Variants in CAMK4 observed in about 807,000 individuals in gnomAD.
The protein encoded by CAMK4 is calcium/calmodulin dependent protein kinase IV.
In CAMK4, 22 loss-of-function variants were observed where a neutral mutation model predicts 44.9. The observed-to-expected ratio is 0.49, with a 90% CI of 0.35 to 0.70. The LOEUF (loss-of-function observed/expected upper bound fraction) is 0.70. Ranked by LOEUF, CAMK4 falls within the 30% of genes least tolerant of loss-of-function variation. CAMK4 has a pLI of 0.01. For synonymous variants in CAMK4, 218 were observed against 215.4 expected, an observed-to-expected ratio of 1.01 and a Z score of -0.11; for missense variants, 498 against 586.8, an observed-to-expected ratio of 0.85 and a Z score of 1.56.
intron 7 of CAMK4, among the ~76,000 whole-genome samples, chr5:111,469,173 ATATAT>A (rs1452276818): frequency 1.6e-3 from 35 of 21,794 alleles, no homozygotes; most frequent in African/African-American, 6.2e-3. Context: ...AAAAAAAAAA[ATATAT>A]ATATATATAT....
intron 7 of CAMK4, among the ~76,000 whole-genome samples, chr5:111,470,005 C>T (rs907188778): frequency 6.6e-6 from 1 of 152,214 alleles, no homozygotes; most frequent in Admixed American, 6.5e-5. Flanking sequence ...ATAAGATTCA[C>T]TGATGTGAAG....
chr5:111,373,173 A>G (rs1286126993), intron 2 of CAMK4, among the ~76,000 whole-genome samples: 3 of 152,124 alleles, frequency 2.0e-5, no homozygotes, highest in African/African-American at 7.2e-5. Flanking sequence ...ATGCCTCTTG[A>G]TTGCCTGTAT....
chr5:111,406,398 A>G (rs541978530), intron 5 of CAMK4, among the ~76,000 whole-genome samples: 2 of 151,764 alleles, frequency 1.3e-5, no homozygotes, highest in South Asian at 2.1e-4. Flanking sequence ...TAATTTTTGT[A>G]TTTTTTGTAG....
At chr5:111,475,226 G>C (rs1364728169) in intron 8 of CAMK4, among the ~76,000 whole-genome samples, 1 of 152,062 alleles carries the variant, frequency 6.6e-6, no homozygotes, top group Non-Finnish European at 1.5e-5. Context: ...GAGAGATAAA[G>C]ATCCTGTTTT....
chr5:111,418,855 T>G (rs1038681235), intron 5 of CAMK4, among the ~76,000 whole-genome samples: 17 of 152,296 alleles, frequency 1.1e-4, no homozygotes, highest in East Asian at 3.9e-4. Context: ...TTGGACATTT[T>G]GGTTGGTTCC....
chr5:111,355,332 C>A (rs114956621), intron 2 of CAMK4, among the ~76,000 whole-genome samples: 2,435 of 152,086 alleles, frequency 0.016, 70 homozygotes, highest in African/African-American at 0.056. Context: ...GCAAAGGTGA[C>A]AGGGAGGAAT....
chr5:111,309,572 C>A (rs1295137604), intron 1 of CAMK4, among the ~76,000 whole-genome samples: 1 of 152,122 alleles, frequency 6.6e-6, no homozygotes, highest in African/African-American at 2.4e-5. Flanking sequence ...GAGCCATTAA[C>A]AATCCATTTT....
At chr5:111,351,182 C>A (rs1373189003) in intron 2 of CAMK4, among the ~76,000 whole-genome samples, 1 of 152,056 alleles carries the variant, frequency 6.6e-6, no homozygotes, top group African/African-American at 2.4e-5. Flanking sequence ...GTAACTTTTA[C>A]ATCTCATGTC....
intron 1 of CAMK4, among the ~76,000 whole-genome samples, chr5:111,312,160 A>G (rs1748233822): frequency 6.6e-6 from 1 of 152,156 alleles, no homozygotes; most frequent in Admixed American, 6.6e-5. Flanking sequence ...CAACCTGGCC[A>G]AATGCTTTCT....
At chr5:111,229,351 A>T (rs1295011625) in intron 1 of CAMK4, among the ~76,000 whole-genome samples, 2 of 152,144 alleles carry the variant, frequency 1.3e-5, no homozygotes, top group Non-Finnish European at 1.5e-5. Flanking sequence ...AAAGAAACCA[A>T]GCTCTCTGGT....
intron 7 of CAMK4, among the ~76,000 whole-genome samples, chr5:111,456,746 A>G (rs563738278): frequency 6.6e-6 from 1 of 152,260 alleles, no homozygotes; most frequent in Non-Finnish European, 1.5e-5. Flanking sequence ...AAATTTTGGT[A>G]TTTTTACTAG....
chr5:111,289,297 G>C (rs1303818560), intron 1 of CAMK4, among the ~76,000 whole-genome samples: 1 of 152,194 alleles, frequency 6.6e-6, no homozygotes, highest in African/African-American at 2.4e-5. Flanking sequence ...AGTGAGCAGA[G>C]ATTGCGCCAT....
chr5:111,295,085 G>A (rs1747429595), intron 1 of CAMK4, among the ~76,000 whole-genome samples: 1 of 152,168 alleles, frequency 6.6e-6, no homozygotes, highest in Non-Finnish European at 1.5e-5. Context: ...ATTGCCAGCT[G>A]CTGTGGTTTG....
chr5:111,390,770 A>G (rs1751767427), intron 4 of CAMK4, among the ~76,000 whole-genome samples: 2 of 152,264 alleles, frequency 1.3e-5, no homozygotes, highest in African/African-American at 2.4e-5. Flanking sequence ...AAAATCAAAA[A>G]CTCAATGACA....
At chr5:111,370,890 G>A (rs1307100398) in intron 2 of CAMK4, among the ~76,000 whole-genome samples, 1 of 149,608 alleles carries the variant, frequency 6.7e-6, no homozygotes, top group Non-Finnish European at 1.5e-5. Flanking sequence ...ACTCCAGCCT[G>A]GTGACAAAGC....
intron 7 of CAMK4, among the ~76,000 whole-genome samples, chr5:111,469,159 AAAAAAAAAAAAAAATATATATATAT>A (rs1468868062): frequency 0.011 from 921 of 85,624 alleles, 7 homozygotes; most frequent in African/African-American, 0.032. Context: ...AAAAAAAAAA[AAAAAAAAAAAAAAATATATATATAT>A]ATATATATAT....
At chr5:111,271,318 T>G (rs1377711621) in intron 1 of CAMK4, among the ~76,000 whole-genome samples, 1 of 152,200 alleles carries the variant, frequency 6.6e-6, no homozygotes, top group Non-Finnish European at 1.5e-5. Flanking sequence ...GGGTTCTGGT[T>G]TCTTCAACAT....
At position 111,490,387 on chromosome 5, in the gene CAMK4, T is replaced by A. The variant is rs1462198610; in HGVS notation, c.*5921T>A. 2 of 152,266 alleles carry A rather than the reference T, an allele frequency of 1.3e-5. No homozygotes were observed. Among genetic ancestry groups the A allele is most frequent in the African/African-American group, 4.8e-5 (2 of 41,426 alleles). The allele number at this position is 152,266 out of a possible 1,614,324, so 9.4% of individuals were successfully genotyped here. On this transcript the variant is annotated 3_prime_UTR_variant, in exon 11 of 11. Transcript: ENST00000282356. ...ACTTTGGGAGGCCGAGGTTGGCAGA[T>A]CACCTGAGGTCAGGAGTTTGAGACC...
At chr5:111,355,709 G>A (rs542036788) in intron 2 of CAMK4, among the ~76,000 whole-genome samples, 1 of 146,364 alleles carries the variant, frequency 6.8e-6, no homozygotes. Flanking sequence ...GTGTCCATGT[G>A]CTCTCATTGT....
Sources: gnomAD v4.1 joint callset for allele counts (sites outside exome capture counted in the v4.1 genomes callset) on GRCh38, gnomAD v4.1.1 for gene constraint, MANE v1.5 for transcripts, NCBI Gene and HGNC (gene_info 2026-07-23, HGNC 2026-07-21) for gene names.